NOX4: variants seen among roughly 807,000 people sequenced by gnomAD.
NOX4 encodes the protein kidney oxidase-1.
NOX4 carries 69 observed loss-of-function variants against 87.6 expected under a neutral mutation model. That is an observed-to-expected ratio of 0.79 (90% CI 0.65 to 0.96). The LOEUF (loss-of-function observed/expected upper bound fraction) is 0.96. NOX4 is among the 40% of genes least tolerant of loss of function. The pLI is 0.00. For missense variants in NOX4, 680 were observed against 681.5 expected (o/e 1.00, Z 0.02); for synonymous variants, 275 against 238.2 (o/e 1.15, Z -1.42).
At chr11:89,545,610 T>G in the NOX4 span, 5 of 151,916 alleles carry the variant, frequency 3.3e-5, no homozygotes, top group African/African-American at 9.7e-5. Flanking sequence ...CAGAATTACA[T>G]TTAGATACCT....
chr11:89,506,297 A>AAGAAAGAGAG, the NOX4 span, among the ~76,000 whole-genome samples: 1 of 144,862 alleles, frequency 6.9e-6, no homozygotes, highest in South Asian at 2.2e-4. Flanking sequence ...GAAAGAAAGA[A>AAGAAAGAGAG]AGAAAGAGAG....
chr11:89,339,310 C>T (rs767233321), intron 15 of NOX4, among the ~76,000 whole-genome samples: 2 of 151,752 alleles, frequency 1.3e-5, no homozygotes, highest in Non-Finnish European at 2.9e-5. Flanking sequence ...TGCACTAATA[C>T]CAAAAAATAG....
chr11:89,570,862 T>C, the NOX4 span, among the ~76,000 whole-genome samples: 2 of 152,232 alleles, frequency 1.3e-5, no homozygotes, highest in Non-Finnish European at 2.9e-5. Flanking sequence ...TTATTGTGTA[T>C]GGCTCAATAC....
intron 12 of NOX4, among the ~76,000 whole-genome samples, chr11:89,355,544 A>G (rs1391525771): frequency 6.6e-6 from 1 of 151,966 alleles, no homozygotes; most frequent in Non-Finnish European, 1.5e-5. Context: ...TAAACATACT[A>G]AGAGATGCAC....
chr11:89,583,738 T>C, the NOX4 span, among the ~76,000 whole-genome samples: 1 of 152,136 alleles, frequency 6.6e-6, no homozygotes, highest in Admixed American at 6.6e-5. Context: ...TTACCACATC[T>C]CTGTGGTAAC....
chr11:89,456,273 A>G (rs1174852634), intron 2 of NOX4, among the ~76,000 whole-genome samples: 5 of 148,094 alleles, frequency 3.4e-5, no homozygotes, highest in Non-Finnish European at 7.4e-5. Context: ...GTGTGAATAA[A>G]TGAATGGATG....
chr11:89,437,629 T>C (rs1349824011), intron 6 of NOX4, among the ~76,000 whole-genome samples: 1 of 152,074 alleles, frequency 6.6e-6, no homozygotes, highest in African/African-American at 2.4e-5. Context: ...TGAGTCAAAT[T>C]GTTTTTATTG....
upstream of NOX4, among the ~76,000 whole-genome samples, chr11:89,501,611 G>T (rs1472609534): frequency 6.6e-6 from 1 of 152,022 alleles, no homozygotes; most frequent in Non-Finnish European, 1.5e-5. Context: ...GGTATACAAC[G>T]ACCTTTGTTG....
intron 11 of NOX4, among the ~76,000 whole-genome samples, chr11:89,382,561 C>A (rs1940370530): frequency 6.6e-6 from 1 of 152,020 alleles, no homozygotes; most frequent in African/African-American, 2.4e-5. Context: ...CCCCTCAGTC[C>A]CAACCCCAAG....
chr11:89,328,460 TAAC>T (rs1945307627), intron 17 of NOX4, among the ~76,000 whole-genome samples: 1 of 152,150 alleles, frequency 6.6e-6, no homozygotes, highest in South Asian at 2.1e-4. Flanking sequence ...GGACCTCCAC[TAAC>T]AAATCTTAAA....
At position 89,449,477 on chromosome 11, in the gene NOX4, G is replaced by T. The variant is rs1944853897; in HGVS notation, c.312C>A (p.Phe104Leu). The part of the protein sequence containing the change: ...TRRLLDKSRT[F>L]HITCGVTICI... ...AGATAGTAACACCACAGGTAATATG[G>T]AATGTTCTGCTTTTATCCAACAATC... The change falls in exon 4 of 18, where the codon TTC becomes TTA. Residue 104 changes from phenylalanine (F) to leucine (L), a missense_variant. By Grantham distance (22) the Phe-to-Leu change is conservative. Coordinates refer to ENST00000263317, the MANE Select transcript of NOX4 (RefSeq NM_016931.5). The T allele has an allele frequency of 1.2e-6, 2 of 1,611,870 alleles. No homozygotes were observed. The highest frequency in any genetic ancestry group is 1.7e-5 in the Admixed American group (1 of 59,750).
chr11:89,336,021 C>T (rs2135374251), intron 16 of NOX4, 76 bp from the exon 17 acceptor site: 2 of 850,654 alleles, frequency 2.4e-6, no homozygotes, highest in African/African-American at 3.5e-5. Flanking sequence ...TCTGCTGGTG[C>T]TGCGGCTTCC....
In NOX4 at chr11:89,327,614, G is replaced by GTAT. The variant is rs1238239540; in HGVS notation, c.1617-741_1617-739dup. Among the ~76,000 whole-genome samples, 3 of 152,138 alleles carry GTAT rather than the reference G, an allele frequency of 2.0e-5. No individual in the cohort carries two copies. The East Asian group carries it at 5.8e-4, about 29-fold the overall frequency. On this transcript the variant is annotated intron_variant, in intron 17 of 17. Coordinates refer to ENST00000263317, the MANE Select transcript of NOX4 (RefSeq NM_016931.5). ...TTGACCTTCTTCCCAAGTTTGATTT[G>GTAT]TATTTGATTCTTCCTAGGATGTCAA...
At chr11:89,455,347 T>A (rs1050203226) in intron 2 of NOX4, among the ~76,000 whole-genome samples, 1 of 152,092 alleles carries the variant, frequency 6.6e-6, no homozygotes, top group Non-Finnish European at 1.5e-5. Context: ...TCATTTCTCC[T>A]TATAACTTCC....
At chr11:89,392,816 T>C (rs931721875) in intron 11 of NOX4, among the ~76,000 whole-genome samples, 6 of 152,186 alleles carry the variant, frequency 3.9e-5, no homozygotes, top group African/African-American at 1.4e-4. Flanking sequence ...ATAATTTTCA[T>C]GGAATTCCAA....
At chr11:89,556,497 T>C in the NOX4 span, among the ~76,000 whole-genome samples, 15 of 109,910 alleles carry the variant, frequency 1.4e-4, no homozygotes, top group African/African-American at 4.9e-4. Context: ...CATTCCAGCC[T>C]GGGTGAAAGG....
the NOX4 span, among the ~76,000 whole-genome samples, chr11:89,566,305 G>T: frequency 0.016 from 2,442 of 152,134 alleles, 52 homozygotes; most frequent in African/African-American, 0.052. Flanking sequence ...GCCTCCCAAA[G>T]TGCTGGGATT....
intron 17 of NOX4, among the ~76,000 whole-genome samples, chr11:89,328,454 C>T (rs11018581): frequency 0.25 from 38,466 of 151,946 alleles, 6,095 homozygotes; most frequent in African/African-American, 0.45. Context: ...TGCTCTGGAC[C>T]TCCACTAACA....
At chr11:89,351,322 G>C (rs941054288) in intron 13 of NOX4, among the ~76,000 whole-genome samples, 1 of 152,176 alleles carries the variant, frequency 6.6e-6, no homozygotes, top group African/African-American at 2.4e-5. Context: ...TGGTTCATGA[G>C]GTTTAAGAAA....
Sources: gnomAD v4.1 joint callset for allele counts (sites outside exome capture counted in the v4.1 genomes callset) on GRCh38, gnomAD v4.1.1 for gene constraint, MANE v1.5 for transcripts, NCBI Gene and HGNC (gene_info 2026-07-23, HGNC 2026-07-21) for gene names.